MEP1A: variants seen among roughly 807,000 people sequenced by gnomAD.
MEP1A encodes N-benzoyl-L-tyrosyl-P-amino-benzoic acid hydrolase subunit alpha.
Under a neutral mutation model 84.5 loss-of-function variants are expected in MEP1A, and 68 were observed. That is an observed-to-expected ratio of 0.80 (90% CI 0.66 to 0.98). The LOEUF (loss-of-function observed/expected upper bound fraction) is 0.98. Ranked by LOEUF, MEP1A falls within the 50% of genes least tolerant of loss-of-function variation. MEP1A has a pLI of 0.00. For synonymous variants in MEP1A, 337 were observed against 336.8 expected (o/e 1.00, Z -0.01); for missense variants, 887 against 919.9 (o/e 0.96, Z 0.46).
chr6:46,818,137 A>T (rs1767684281), intron 6 of MEP1A, among the ~76,000 whole-genome samples: 3 of 152,268 alleles, frequency 2.0e-5, no homozygotes, highest in Admixed American at 2.0e-4. Context: ...TGCCACTATC[A>T]GAGAGGCAAG....
At position 46,798,586 on chromosome 6, in the gene MEP1A, A is replaced by T. The variant is rs201132773; in HGVS notation, c.146-20A>T. The T allele has an allele frequency of 4.2e-3, 6,653 of 1,598,366 alleles. 55 individuals carry two copies. Among genetic ancestry groups the T allele is most frequent in the Middle Eastern group, 0.023 (139 of 5,992 alleles). The stretch of plus-strand genomic sequence containing the variant: ...ATGTTCACTCAAATATTCTTTTTTT[A>T]AAAAAAATTCCACTTCCAGCTGCAG... On this transcript the variant is annotated intron_variant, in intron 3 of 13. Transcript: ENST00000230588.
intron 6 of MEP1A, among the ~76,000 whole-genome samples, chr6:46,815,303 T>C (rs528403943): frequency 5.3e-4 from 80 of 152,238 alleles, no homozygotes; most frequent in African/African-American, 1.8e-3. Flanking sequence ...TCCAGTCCAG[T>C]GGAGTTATAC....
At chr6:46,833,560 A>G (rs1471280561) in intron 11 of MEP1A, 22 bp downstream of exon 11, 1 of 1,575,182 alleles carries the variant, frequency 6.3e-7, no homozygotes, top group Non-Finnish European at 8.7e-7. Context: ...CAGCGCAAAT[A>G]AGAACTGCCC....
downstream of MEP1A, among the ~76,000 whole-genome samples, chr6:46,844,544 C>A (rs1301182317): frequency 6.6e-6 from 1 of 152,044 alleles, no homozygotes; most frequent in Non-Finnish European, 1.5e-5. Flanking sequence ...GGCTCACCAG[C>A]TCAATGAAAA....
intron 9 of MEP1A, among the ~76,000 whole-genome samples, chr6:46,828,725 G>T (rs1230887944): frequency 6.6e-6 from 1 of 152,050 alleles, no homozygotes; most frequent in Non-Finnish European, 1.5e-5. Flanking sequence ...CCTATCTCTG[G>T]CACTAATGTA....
At chr6:46,801,536 T>C (rs896042109) in intron 5 of MEP1A, among the ~76,000 whole-genome samples, 3 of 152,126 alleles carry the variant, frequency 2.0e-5, no homozygotes, top group Non-Finnish European at 4.4e-5. Flanking sequence ...ATATGTATTA[T>C]AAATATTTTC....
In MEP1A at chr6:46,793,434, T is replaced by C. The variant is rs140752006; in HGVS notation, c.36T>C (p.Phe12=). 2.5e-6 allele frequency: 4 copies of C among 1,600,138 alleles called. No homozygotes were observed. The highest frequency in any genetic ancestry group is 3.4e-6 in the Non-Finnish European group (4 of 1,176,504). ...TTAGATCCACTTGCATTCTCTTTTT[T>C]ACCTTGCTTTTTGCCCACATAGCAG... ...AWIRSTCILF[F]TLLFAHIAAV... is the part of the protein sequence containing the mutation. The change falls in exon 1 of 14, where the codon TTT becomes TTC. Residue 12 remains phenylalanine (F), a synonymous_variant. Coordinates refer to ENST00000230588, the MANE Select transcript of MEP1A (RefSeq NM_005588.3).
intron 7 of MEP1A, among the ~76,000 whole-genome samples, chr6:46,824,073 A>G (rs1467415192): frequency 6.6e-6 from 1 of 152,122 alleles, no homozygotes. Flanking sequence ...CTCCTAACCC[A>G]TGAAGAGTAG....
rs149650040 is a variant in MEP1A, at chr6:46,825,414, T to C, written c.699T>C (p.Pro233=). The C allele has an allele frequency of 1.9e-6, 3 of 1,613,804 alleles. No individual in the cohort carries two copies. The highest frequency in any genetic ancestry group is 1.3e-5 in the African/African-American group (1 of 74,914). The change falls in exon 8 of 14, where the codon CCT becomes CCC. Residue 233 remains proline (P), a synonymous_variant. Coordinates refer to ENST00000230588, the MANE Select transcript of MEP1A (RefSeq NM_005588.3). ...TTCCCACCATCACAGCCAAGATCCC[T>C]GAGTTTAACTCCATTATCGGACAGC... ...ASVPTITAKI[P]EFNSIIGQRL... is the part of the protein sequence containing the mutation.
At chr6:46,818,053 A>G (rs985780012) in intron 6 of MEP1A, among the ~76,000 whole-genome samples, 1 of 152,188 alleles carries the variant, frequency 6.6e-6, no homozygotes, top group African/African-American at 2.4e-5. Flanking sequence ...GGAATTTAAA[A>G]AGAAAGATGA....
chr6:46,825,004 A>C (rs1767893710), intron 7 of MEP1A, among the ~76,000 whole-genome samples: 1 of 68,430 alleles, frequency 1.5e-5, no homozygotes, highest in Non-Finnish European at 3.3e-5. Flanking sequence ...AGATCTATTT[A>C]AGTATATATA....
chr6:46,801,272 C>T (rs569736488), intron 5 of MEP1A, among the ~76,000 whole-genome samples: 8 of 152,144 alleles, frequency 5.3e-5, no homozygotes, highest in South Asian at 4.1e-4. Context: ...TCCACATCCT[C>T]GCTAATATTG....
chr6:46,796,293 T>C (rs1767050228), intron 3 of MEP1A, among the ~76,000 whole-genome samples: 1 of 152,162 alleles, frequency 6.6e-6, no homozygotes, highest in African/African-American at 2.4e-5. Context: ...GGCTTTCCTG[T>C]CACAGGACCT....
downstream of MEP1A, among the ~76,000 whole-genome samples, chr6:46,844,110 A>G (rs539227981): frequency 2.7e-4 from 41 of 152,312 alleles, no homozygotes; most frequent in African/African-American, 9.9e-4. Context: ...CATCTTTCTT[A>G]TGTCAGTTTT....
At chr6:46,814,248 A>T (rs1030502006) in intron 6 of MEP1A, among the ~76,000 whole-genome samples, 4 of 152,030 alleles carry the variant, frequency 2.6e-5, no homozygotes, top group African/African-American at 7.2e-5. Flanking sequence ...CATTTAAAAA[A>T]TTTTTTTGTT....
In MEP1A at chr6:46,829,397, G is replaced by C. The variant is rs758951456; in HGVS notation, c.970G>C (p.Ala324Pro). 1.2e-6 allele frequency: 2 copies of C among 1,613,990 alleles called. No homozygotes were observed. The highest frequency in any genetic ancestry group is 2.2e-5 in the South Asian group (2 of 91,072). ...FMQFSTSSGSAEEAALLESRI... is the reference protein window; with the variant it reads ...FMQFSTSSGSPEEAALLESRI... ...GCAGTTCAGCACCAGCTCGGGGTCC[G>C]CGGAAGAGGCAGCCCTACTGGAGTC... is the stretch of plus-strand genomic sequence containing the variant. The change falls in exon 10 of 14, where the codon GCG becomes CCG. Residue 324 changes from alanine (A) to proline (P), a missense_variant. Physicochemically the swap from Ala to Pro is conservative, Grantham distance 27. Transcript: ENST00000230588.
At chr6:46,816,164 C>T (rs2150748102) in intron 6 of MEP1A, among the ~76,000 whole-genome samples, 1 of 152,182 alleles carries the variant, frequency 6.6e-6, no homozygotes, top group South Asian at 2.1e-4. Flanking sequence ...TCTTGAACTC[C>T]TGACCTCAGG....
chr6:46,838,006 CT>C (rs1490068821), intron 13 of MEP1A, among the ~76,000 whole-genome samples: 5 of 151,846 alleles, frequency 3.3e-5, no homozygotes, highest in Admixed American at 2.0e-4. Flanking sequence ...ATTCTACTGC[CT>C]CAGCCTCCCG....
chr6:46,797,697 T>C (rs7750664), intron 3 of MEP1A, among the ~76,000 whole-genome samples: 6,002 of 152,276 alleles, frequency 0.039, 423 homozygotes, highest in African/African-American at 0.14. Context: ...ACTTGGCCAC[T>C]TGATTACATA....
Sources: gnomAD v4.1 joint callset for allele counts (sites outside exome capture counted in the v4.1 genomes callset) on GRCh38, gnomAD v4.1.1 for gene constraint, MANE v1.5 for transcripts, NCBI Gene and HGNC (gene_info 2026-07-23, HGNC 2026-07-21) for gene names.